GDPD5: variants seen among roughly 807,000 people sequenced by gnomAD.
GDPD5 encodes glycerophosphodiester phosphodiesterase 2.
A neutral mutation model predicts 75.1 loss-of-function variants in GDPD5; 48 were observed. The ratio of observed to expected loss-of-function variants is 0.64; its 90% CI spans 0.51 to 0.81. The LOEUF is 0.81. Ranked by LOEUF, GDPD5 falls within the 40% of genes least tolerant of loss-of-function variation. GDPD5 has a pLI of 0.00. For synonymous variants in GDPD5, 336 were observed against 339.0 expected (o/e 0.99, Z 0.10); for missense variants, 706 against 822.6 (o/e 0.86, Z 1.73).
intron 8 of GDPD5, 121 bp downstream of exon 8, chr11:75,449,396 G>C (rs1228567193): frequency 3.3e-6 from 3 of 910,332 alleles, no homozygotes; most frequent in African/African-American, 3.3e-5. Flanking sequence ...CCCCCTCACT[G>C]AGTGCAGGGG....
chr11:75,497,047 T>A (rs575678701), intron 1 of GDPD5, among the ~76,000 whole-genome samples: 48 of 152,192 alleles, frequency 3.2e-4, no homozygotes, highest in African/African-American at 1.1e-3. Flanking sequence ...CCTCCCAAAG[T>A]GCTAGGATTA....
intron 15 of GDPD5, chr11:75,437,329 C>T: frequency 2.2e-6 from 1 of 445,704 alleles, no homozygotes. Flanking sequence ...CTCAGGTGTC[C>T]CCAGTAATGC....
chr11:75,464,431 T>G (rs962640081), intron 3 of GDPD5, among the ~76,000 whole-genome samples: 2 of 152,152 alleles, frequency 1.3e-5, no homozygotes, highest in African/African-American at 2.4e-5. Flanking sequence ...AGGAAAGGCC[T>G]TCACACCCTA....
At chr11:75,450,121 G>C in intron 6 of GDPD5, 138 bp from the exon 7 acceptor site, 1 of 663,360 alleles carries the variant, frequency 1.5e-6, no homozygotes, top group Non-Finnish European at 2.6e-6. Context: ...GGAGGAAAGA[G>C]ACAGGCATGG....
At chr11:75,479,171 C>T (rs371805337) in intron 2 of GDPD5, 27 of 152,310 alleles carry the variant, frequency 1.8e-4, no homozygotes, top group African/African-American at 6.5e-4. Flanking sequence ...CCTCACACAC[C>T]CTGAGTATCA....
In GDPD5 at chr11:75,435,588, A is replaced by G. The variant is rs754882301; in HGVS notation, c.1737T>C (p.Tyr579=). The G allele has an allele frequency of 2.5e-6, 4 of 1,613,554 alleles. No homozygotes were observed. In the South Asian group the frequency reaches 4.4e-5, roughly 18 times the overall value. The stretch of plus-strand genomic sequence containing the variant: ...CCACAGGGGTGGCGGTGCTGTTGGC[A>G]TATGTGTCATAACTGTTGTCTGAAC... ...SVCSDNSYDT[Y]ANSTATPVGP... The change falls in exon 17 of 17, where the codon TAT becomes TAC. Residue 579 remains tyrosine, a synonymous_variant. Transcript: ENST00000336898.
At chr11:75,456,851 G>C in intron 5 of GDPD5, 35 bp from the exon 6 acceptor site, 1 of 1,602,976 alleles carries the variant, frequency 6.2e-7, no homozygotes, top group South Asian at 1.1e-5. Flanking sequence ...TGTCAGGCCC[G>C]TGTGGGCGGG....
At chr11:75,449,797 C>A in intron 7 of GDPD5, 88 bp downstream of exon 7, 1 of 1,443,176 alleles carries the variant, frequency 6.9e-7, no homozygotes, top group East Asian at 2.3e-5. Flanking sequence ...TGGGCGCCTC[C>A]CTGCCCTTCT....
At chr11:75,479,674 C>A (rs11236438) in intron 2 of GDPD5, among the ~76,000 whole-genome samples, 3 of 152,128 alleles carry the variant, frequency 2.0e-5, no homozygotes, top group Non-Finnish European at 2.9e-5. Flanking sequence ...AACAACCCCC[C>A]ACCCCCTTCT....
At chr11:75,443,584 C>T (rs1948896869) in intron 10 of GDPD5, among the ~76,000 whole-genome samples, 2 of 152,184 alleles carry the variant, frequency 1.3e-5, no homozygotes, top group African/African-American at 4.8e-5. Context: ...TAGGTGCTGC[C>T]TCATTTGACA....
intron 1 of GDPD5, among the ~76,000 whole-genome samples, chr11:75,516,866 G>A (rs1264373498): frequency 6.6e-6 from 1 of 152,228 alleles, no homozygotes; most frequent in Non-Finnish European, 1.5e-5. Context: ...ATCAACATAA[G>A]TTTTCTGTCT....
chr11:75,516,960 G>A (rs560944142), intron 1 of GDPD5, among the ~76,000 whole-genome samples: 314 of 152,302 alleles, frequency 2.1e-3, no homozygotes, highest in Non-Finnish European at 3.5e-3. Context: ...GCACCTCAAT[G>A]CAGTTTGGTT....
At chr11:75,518,138 TG>T (rs1156682966) in intron 1 of GDPD5, among the ~76,000 whole-genome samples, 1 of 152,080 alleles carries the variant, frequency 6.6e-6, no homozygotes, top group Non-Finnish European at 1.5e-5. Context: ...GCGTCAGGTA[TG>T]GGGTGGGTGC....
chr11:75,498,508 C>T (rs540877421), intron 1 of GDPD5, among the ~76,000 whole-genome samples: 6 of 138,228 alleles, frequency 4.3e-5, no homozygotes, highest in African/African-American at 1.1e-4. Context: ...ACCTCCTACT[C>T]GTCACTGATG....
chr11:75,517,009 C>G (rs1289298444), intron 1 of GDPD5, among the ~76,000 whole-genome samples: 1 of 152,060 alleles, frequency 6.6e-6, no homozygotes, highest in African/African-American at 2.4e-5. Context: ...CCCGGAGATC[C>G]ACTCCTTATC....
intron 1 of GDPD5, among the ~76,000 whole-genome samples, chr11:75,495,047 C>G (rs1286830888): frequency 6.6e-6 from 1 of 152,014 alleles, no homozygotes; most frequent in African/African-American, 2.4e-5. Flanking sequence ...GCGGGCAGAT[C>G]ACAAGGTCAG....
chr11:75,437,135 T>A, intron 15 of GDPD5, 87 bp from the exon 16 acceptor site: 10 of 961,494 alleles, frequency 1.0e-5, no homozygotes, highest in Non-Finnish European at 1.6e-5. Flanking sequence ...CCTCTCTGGA[T>A]GTGGCCCAAG....
At chr11:75,442,330 T>A (rs1260887790) in intron 12 of GDPD5, 33 bp downstream of exon 12, 1 of 1,499,704 alleles carries the variant, frequency 6.7e-7, no homozygotes. Flanking sequence ...AGGCCAGGGC[T>A]CCCGGGGGCA....
In GDPD5 at chr11:75,502,299, C is replaced by T. The variant is rs76767313; in HGVS notation, c.-144-11979G>A. Among the ~76,000 whole-genome samples, 1,365 of 152,290 alleles carry T rather than the reference C, an allele frequency of 9.0e-3. 13 individuals are homozygous for T. Among genetic ancestry groups the T allele is most frequent in the African/African-American group, 0.031 (1,269 of 41,562 alleles). ...TCTGTGTAGAATGCCTTTCCACTTG[C>T]CTCAGTTTGGTGAACTCCTATAGAT... On this transcript the variant is annotated intron_variant, in intron 1 of 16. Coordinates refer to ENST00000336898, the MANE Select transcript of GDPD5 (RefSeq NM_030792.8).
Sources: gnomAD v4.1 joint callset for allele counts (sites outside exome capture counted in the v4.1 genomes callset) on GRCh38, gnomAD v4.1.1 for gene constraint, MANE v1.5 for transcripts, NCBI Gene and HGNC (gene_info 2026-07-23, HGNC 2026-07-21) for gene names.